The following TTC6 variants were observed in gnomAD, a reference collection of about 807,000 sequenced individuals.
TTC6 encodes the protein tetratricopeptide repeat protein 6.
A neutral mutation model predicts 210.4 loss-of-function variants in TTC6; 172 were observed. The observed-to-expected ratio is 0.82, with a 90% CI of 0.72 to 0.93. TTC6 has a LOEUF of 0.93. Among genes scored for constraint, TTC6 ranks in the 40% least tolerant of loss-of-function variants. The pLI is 0.00. For missense variants in TTC6, 2,414 were observed against 2,318.1 expected (o/e 1.04, Z -0.85); for synonymous variants, 804 against 819.6 (o/e 0.98, Z 0.32).
chr14:37,806,570 T>C (rs994056311), intron 22 of TTC6, 60 bp downstream of exon 24: 1 of 1,416,882 alleles, frequency 7.1e-7, no homozygotes, highest in African/African-American at 1.4e-5. Context: ...AACTATTAAA[T>C]CTTTTATGTG....
chr14:37,809,138 G>A (rs1261929821), intron 24 of TTC6, among the ~76,000 whole-genome samples: 2 of 151,610 alleles, frequency 1.3e-5, no homozygotes, highest in Admixed American at 6.6e-5. Flanking sequence ...TCTGAAAGAA[G>A]TCAAATGAAA....
At chr14:37,751,394 C>G (rs2095951461) in intron 13 of TTC6, among the ~76,000 whole-genome samples, 169 bp downstream of exon 15, 1 of 152,098 alleles carries the variant, frequency 6.6e-6, no homozygotes, top group African/African-American at 2.4e-5. Flanking sequence ...AATATTAACA[C>G]TATGTTAATT....
chr14:37,817,837 C>T (rs952739551), intron 26 of TTC6, among the ~76,000 whole-genome samples, 186 bp downstream of exon 28: 19 of 151,746 alleles, frequency 1.3e-4, no homozygotes, highest in African/African-American at 4.4e-4. Flanking sequence ...ACTTAGTGTT[C>T]CTCAGCACCC....
intron 10 of TTC6, among the ~76,000 whole-genome samples, chr14:37,741,078 T>C (rs890894285): frequency 1.3e-5 from 2 of 152,132 alleles, no homozygotes; most frequent in African/African-American, 4.8e-5. Flanking sequence ...ACAGGAACCA[T>C]AGGATGAACC....
intron 26 of TTC6, among the ~76,000 whole-genome samples, chr14:37,820,957 C>CTCG (rs1370144404): frequency 8.4e-6 from 1 of 118,388 alleles, no homozygotes; most frequent in African/African-American, 8.3e-5. Flanking sequence ...CCTCCTCCTT[C>CTCG]TCCTCCTCCT....
intron 14 of TTC6, among the ~76,000 whole-genome samples, chr14:37,769,409 T>C (rs917038130): frequency 9.9e-5 from 15 of 152,168 alleles, no homozygotes; most frequent in African/African-American, 3.6e-4. Flanking sequence ...CTGGTAGAAT[T>C]CGGCTGTGAA....
chr14:37,715,807 T>C (rs2095851718), intron 6 of TTC6, among the ~76,000 whole-genome samples: 2 of 152,242 alleles, frequency 1.3e-5, no homozygotes, highest in South Asian at 4.1e-4. Flanking sequence ...ACGAAGAGAA[T>C]TTGTTGCCAG....
rs577428069 is a variant in TTC6 at position 37,826,888 on chromosome 14, A to G, written c.5128-308A>G. ...GACAAATAAGCCTGTTAACTATTCA[A>G]TTTAATTTATTCTCTAGCTTAACAG... On this transcript the variant is annotated intron_variant, in intron 28 of 30. Coordinates refer to ENST00000553443, the Ensembl canonical transcript of TTC6. 1.8e-4 allele frequency among the ~76,000 whole-genome samples: 28 copies of G among 152,260 alleles called. No homozygotes were observed. The South Asian group carries it at 2.7e-3, about 15-fold the overall frequency.
At chr14:37,775,803 T>C (rs1257267023) in intron 14 of TTC6, among the ~76,000 whole-genome samples, 1 of 152,192 alleles carries the variant, frequency 6.6e-6, no homozygotes, top group Non-Finnish European at 1.5e-5. Flanking sequence ...AGGTCTCCTA[T>C]GTTGGGTGCA....
chr14:37,645,382 TA>T (rs1480746156), intron 1 of TTC6, among the ~76,000 whole-genome samples: 5 of 152,222 alleles, frequency 3.3e-5, no homozygotes, highest in Non-Finnish European at 7.3e-5. Flanking sequence ...GTGCCTGTTA[TA>T]TCTGGCGCTG....
intron 6 of TTC6, among the ~76,000 whole-genome samples, chr14:37,718,217 C>T (rs1335022039): frequency 6.6e-6 from 1 of 152,146 alleles, no homozygotes; most frequent in Non-Finnish European, 1.5e-5. Flanking sequence ...GAATTATCCA[C>T]CAGGACTTTA....
At chr14:37,834,408 C>A in intron 29 of TTC6, among the ~76,000 whole-genome samples, 1 of 151,988 alleles carries the variant, frequency 6.6e-6, no homozygotes, top group Non-Finnish European at 1.5e-5. Context: ...TATTTCATTT[C>A]TAAAGACCTG....
chr14:37,632,384 G>C (rs190460903), intron 1 of TTC6, among the ~76,000 whole-genome samples: 1 of 152,172 alleles, frequency 6.6e-6, no homozygotes, highest in African/African-American at 2.4e-5. Context: ...CCCTGCTGCA[G>C]GTCTGCTGGA....
At chr14:37,707,321 T>C (rs1338873741) in intron 5 of TTC6, among the ~76,000 whole-genome samples, 1 of 152,028 alleles carries the variant, frequency 6.6e-6, no homozygotes, top group East Asian at 1.9e-4. Flanking sequence ...GTATAAGACT[T>C]TTTTGTTTTA....
chr14:37,765,162 A>G (rs1390747007), intron 14 of TTC6, among the ~76,000 whole-genome samples: 1 of 151,856 alleles, frequency 6.6e-6, no homozygotes, highest in Non-Finnish European at 1.5e-5. Context: ...CTTTATAAAT[A>G]TTAAAAAAAT....
chr14:37,719,561 A>G (rs1370968824), intron 6 of TTC6, among the ~76,000 whole-genome samples: 2 of 152,170 alleles, frequency 1.3e-5, no homozygotes, highest in African/African-American at 2.4e-5. Flanking sequence ...AGATATGCAC[A>G]ACTGATTTTT....
Position 37,765,369 on chromosome 14 carries a change from TA to T in TTC6, c.3266+12144del, listed in dbSNP as rs781402022. 6.7e-4 allele frequency among the ~76,000 whole-genome samples: 98 copies of T among 146,800 alleles called. 2 individuals carry two copies. Among genetic ancestry groups the T allele is most frequent in the East Asian group, 6.5e-3 (33 of 5,060 alleles). Reference sequence around the variant, plus strand: ...TTGTAGAGAGGCACAAAATTTAAATTAAAAAAAAAATTTGTAACCCAGGTTA... The same window carrying T: ...TTGTAGAGAGGCACAAAATTTAAATTAAAAAAAAATTTGTAACCCAGGTTA... On this transcript the variant is annotated intron_variant, in intron 14 of 30. Coordinates refer to ENST00000553443, the Ensembl canonical transcript of TTC6.
intron 14 of TTC6, among the ~76,000 whole-genome samples, chr14:37,760,776 TC>T (rs1301585563): frequency 2.0e-5 from 3 of 151,990 alleles, no homozygotes; most frequent in African/African-American, 7.3e-5. Context: ...TGTGGTGAAT[TC>T]CCCCCAGTCC....
At chr14:37,644,252 TAAA>T (rs2095697641) in intron 1 of TTC6, among the ~76,000 whole-genome samples, 2 of 152,098 alleles carry the variant, frequency 1.3e-5, no homozygotes, top group African/African-American at 4.8e-5. Flanking sequence ...TTCTGTCTTG[TAAA>T]AAAAGGTCTT....
Sources: gnomAD v4.1 joint callset for allele counts (sites outside exome capture counted in the v4.1 genomes callset) on GRCh38, gnomAD v4.1.1 for gene constraint, MANE v1.5 for transcripts, NCBI Gene and HGNC (gene_info 2026-07-23, HGNC 2026-07-21) for gene names.